FGF14: variants seen among roughly 807,000 people sequenced by gnomAD.
FGF14 encodes the protein fibroblast growth factor 14.
FGF14 carries 5 observed loss-of-function variants against 25.5 expected under a neutral mutation model. That is an observed-to-expected ratio of 0.20 (90% CI 0.10 to 0.41). The LOEUF is 0.41. Ranked by LOEUF, FGF14 falls within the 10% of genes least tolerant of loss-of-function variation. The probability of loss-of-function intolerance (pLI) is 1.00; values close to 1 mark genes in which losing one functional copy is unlikely to be tolerated. For synonymous variants in FGF14, 138 were observed against 118.3 expected, an observed-to-expected ratio of 1.17 and a Z score of -1.08; for missense variants, 222 against 320.1, an observed-to-expected ratio of 0.69 and a Z score of 2.34.
chr13:102,378,766 A>G (rs1449429463), intron 1 of FGF14, among the ~76,000 whole-genome samples: 1 of 152,146 alleles, frequency 6.6e-6, no homozygotes, highest in Admixed American at 6.6e-5. Context: ...TTTCATCTTT[A>G]ACTCCAAAGT....
At chr13:101,762,808 A>T (rs901139134) in intron 3 of FGF14, among the ~76,000 whole-genome samples, 1 of 152,074 alleles carries the variant, frequency 6.6e-6, no homozygotes, top group African/African-American at 2.4e-5. Flanking sequence ...GTCACATTTC[A>T]TTTTTCCAAA....
intron 1 of FGF14, among the ~76,000 whole-genome samples, chr13:102,095,865 TAG>T (rs2044369999): frequency 6.6e-6 from 1 of 152,112 alleles, no homozygotes; most frequent in Non-Finnish European, 1.5e-5. Flanking sequence ...CAACAGTTAG[TAG>T]TTAAGGTTTT....
In FGF14 at chr13:101,792,579, G is replaced by A. The variant is rs2040299443; in HGVS notation, c.409-65769C>T. 2.0e-5 allele frequency among the ~76,000 whole-genome samples: 3 copies of A among 152,128 alleles called. 1 individual carries two copies. In the South Asian group the frequency reaches 6.2e-4, roughly 31 times the overall value. On this transcript the variant is annotated intron_variant, in intron 3 of 4. Coordinates refer to ENST00000376143, the MANE Select transcript of FGF14 (RefSeq NM_004115.4). ...GGGTTATTGATTTATGCCCCAAATA[G>A]ACTGCCATTGCAAGAGGGCTGTGAA...
intron 3 of FGF14, among the ~76,000 whole-genome samples, chr13:101,817,853 T>C (rs1007302794): frequency 1.3e-5 from 2 of 152,328 alleles, no homozygotes; most frequent in South Asian, 2.1e-4. Context: ...TTTTGTCTCA[T>C]AGAGGATTGT....
chr13:102,151,552 G>A (rs1350643474), intron 1 of FGF14, among the ~76,000 whole-genome samples: 4 of 152,184 alleles, frequency 2.6e-5, no homozygotes, highest in Non-Finnish European at 4.4e-5. Flanking sequence ...CAGCTGGAGT[G>A]CAATGGTGGG....
At chr13:102,134,215 G>T (rs1034437657) in intron 1 of FGF14, among the ~76,000 whole-genome samples, 1 of 152,126 alleles carries the variant, frequency 6.6e-6, no homozygotes, top group African/African-American at 2.4e-5. Flanking sequence ...AAAAGCCTGT[G>T]AGAGAGAAGT....
intron 1 of FGF14, among the ~76,000 whole-genome samples, chr13:102,284,933 G>A (rs956492920): frequency 9.3e-5 from 14 of 150,012 alleles, no homozygotes; most frequent in East Asian, 2.0e-4. Flanking sequence ...CTCCCCCTCC[G>A]TCTCTCTCTC....
chr13:102,050,609 C>T (rs2042176304), intron 1 of FGF14, among the ~76,000 whole-genome samples: 1 of 151,910 alleles, frequency 6.6e-6, no homozygotes, highest in Admixed American at 6.6e-5. Context: ...TGGACTACAC[C>T]AAGTCACCAA....
In FGF14 at chr13:102,362,788, T is replaced by A. The variant is rs548809597; in HGVS notation, c.208+38683A>T. 3.2e-4 allele frequency among the ~76,000 whole-genome samples: 48 copies of A among 148,598 alleles called. 1 individual carries two copies. The South Asian group carries it at 6.3e-3, about 20-fold the overall frequency. ...AGAATTTTATTTTGGTATTCATTTCTAAAGTCCATACAAGTATAGAAAAAA... is the reference window on the plus strand; with the variant it reads ...AGAATTTTATTTTGGTATTCATTTCAAAAGTCCATACAAGTATAGAAAAAA... On this transcript the variant is annotated intron_variant, in intron 1 of 4. Transcript: ENST00000376131.
chr13:102,187,581 TCTC>T (rs1031467315), intron 1 of FGF14, among the ~76,000 whole-genome samples: 6 of 152,138 alleles, frequency 3.9e-5, no homozygotes, highest in African/African-American at 1.4e-4. Context: ...CCCTTCATCT[TCTC>T]CTCATTGCTG....
chr13:101,822,451 G>T (rs2042200526), intron 3 of FGF14, among the ~76,000 whole-genome samples: 1 of 149,988 alleles, frequency 6.7e-6, no homozygotes. Context: ...CAATAACATT[G>T]ACATTTCCAT....
intron 1 of FGF14, among the ~76,000 whole-genome samples, chr13:102,061,375 C>T (rs1216110984): frequency 6.6e-6 from 1 of 152,212 alleles, no homozygotes; most frequent in Non-Finnish European, 1.5e-5. Flanking sequence ...CTGCCACCTG[C>T]CCGTCCACAT....
intron 1 of FGF14, among the ~76,000 whole-genome samples, chr13:102,169,924 T>C (rs781249664): frequency 1.3e-4 from 20 of 152,160 alleles, no homozygotes; most frequent in Admixed American, 2.6e-4. Context: ...TTCAGTTTTA[T>C]GTTAACTGAT....
At chr13:101,931,953 G>C (rs2034780124) in intron 1 of FGF14, among the ~76,000 whole-genome samples, 1 of 152,128 alleles carries the variant, frequency 6.6e-6, no homozygotes, top group African/African-American at 2.4e-5. Context: ...AGGTTCTCTG[G>C]GGATGGGTGT....
At chr13:101,854,049 T>C (rs1001780770) in intron 3 of FGF14, among the ~76,000 whole-genome samples, 1 of 152,110 alleles carries the variant, frequency 6.6e-6, no homozygotes, top group South Asian at 2.1e-4. Context: ...CTATCTATTC[T>C]ACATTGCAGT....
At chr13:101,991,356 A>C (rs142927036) in intron 1 of FGF14, among the ~76,000 whole-genome samples, 87 of 152,256 alleles carry the variant, frequency 5.7e-4, no homozygotes, top group African/African-American at 2.1e-3. Context: ...TTGAAATGGC[A>C]ATGACTTTTT....
At chr13:101,881,317 T>C (rs965357905) in intron 1 of FGF14, among the ~76,000 whole-genome samples, 2 of 152,148 alleles carry the variant, frequency 1.3e-5, no homozygotes, top group African/African-American at 4.8e-5. Context: ...TTCTAACATA[T>C]TAGAAACACA....
intron 1 of FGF14, among the ~76,000 whole-genome samples, chr13:102,105,950 T>C (rs536586017): frequency 1.3e-5 from 2 of 152,338 alleles, no homozygotes; most frequent in South Asian, 4.1e-4. Flanking sequence ...TTTTGCATAC[T>C]TAATAAATAT....
intron 3 of FGF14, among the ~76,000 whole-genome samples, chr13:101,758,791 T>G (rs894084934): frequency 6.6e-6 from 1 of 152,160 alleles, no homozygotes; most frequent in African/African-American, 2.4e-5. Flanking sequence ...AGTGTGCATT[T>G]GTATCTGGGC....
Sources: allele counts gnomAD v4.1 joint callset (sites outside exome capture counted in the v4.1 genomes callset), GRCh38; gene constraint gnomAD v4.1.1; transcripts MANE v1.5; gene names NCBI Gene and HGNC (gene_info 2026-07-23, HGNC 2026-07-21).